RB1: variants seen among roughly 807,000 people sequenced by gnomAD.
RB1 encodes RB transcriptional corepressor 1.
RB1 carries 18 observed loss-of-function variants against 135.4 expected under a neutral mutation model. The observed-to-expected ratio is 0.13, with a 90% confidence interval of 0.09 to 0.20. RB1 has a LOEUF of 0.20. Among genes scored for constraint, RB1 ranks in the 10% least tolerant of loss-of-function variants. The pLI is 1.00. For missense variants in RB1, 868 were observed against 1,110.0 expected, an observed-to-expected ratio of 0.78 and a Z score of 3.10; for synonymous variants, 365 against 373.2, an observed-to-expected ratio of 0.98 and a Z score of 0.25.
At chr13:48,387,696 A>C (rs1237384773) in intron 17 of RB1, among the ~76,000 whole-genome samples, 2 of 152,150 alleles carry the variant, frequency 1.3e-5, no homozygotes, top group African/African-American at 4.8e-5. Context: ...GTACACATTA[A>C]ATGGGTGAAT....
At chr13:48,375,286 G>A (rs1952809389) in intron 12 of RB1, among the ~76,000 whole-genome samples, 1 of 152,038 alleles carries the variant, frequency 6.6e-6, no homozygotes, top group African/African-American at 2.4e-5. Flanking sequence ...AAGTGAACAT[G>A]TCTTGAAGGT....
chr13:48,316,991 A>T, intron 2 of RB1: 1 of 482,854 alleles, frequency 2.1e-6, no homozygotes, highest in Non-Finnish European at 3.7e-6. Context: ...CCCTTCGTCA[A>T]TACCTCAGGT....
At chr13:48,326,928 A>G (rs774641582) in intron 2 of RB1, among the ~76,000 whole-genome samples, 1 of 152,140 alleles carries the variant, frequency 6.6e-6, no homozygotes, top group Non-Finnish European at 1.5e-5. Flanking sequence ...ACAAATTCAC[A>G]AAGTATGTGT....
At chr13:48,372,949 G>T (rs1224940728) in intron 11 of RB1, among the ~76,000 whole-genome samples, 2 of 152,152 alleles carry the variant, frequency 1.3e-5, no homozygotes, top group African/African-American at 4.8e-5. Context: ...ATTTTTAAAT[G>T]TATCCAGGAT....
chr13:48,304,456 T>C (rs1952060623), intron 1 of RB1, among the ~76,000 whole-genome samples: 1 of 152,086 alleles, frequency 6.6e-6, no homozygotes, highest in Non-Finnish European at 1.5e-5. Flanking sequence ...TCTGACTTTC[T>C]GTTTTGGTTC....
chr13:48,340,771 T>G (rs1952436382), intron 2 of RB1: 1 of 160,974 alleles, frequency 6.2e-6, no homozygotes, highest in African/African-American at 2.4e-5. Flanking sequence ...AAATTGACCA[T>G]ATTAACATAA....
intron 17 of RB1, among the ~76,000 whole-genome samples, chr13:48,418,486 C>A (rs527863502): frequency 6.6e-6 from 1 of 152,082 alleles, no homozygotes; most frequent in Admixed American, 6.6e-5. Context: ...AACTAATGGG[C>A]AAACTAACTG....
At chr13:48,456,374 GCA>G in intron 19 of RB1, 25 bp downstream of exon 19, 3 of 1,612,368 alleles carry the variant, frequency 1.9e-6, no homozygotes. Context: ...ATTTTCAAGA[GCA>G]TGGACTCTGA....
intron 2 of RB1, among the ~76,000 whole-genome samples, chr13:48,327,803 T>A (rs1199315392): frequency 6.6e-6 from 1 of 152,152 alleles, no homozygotes; most frequent in Non-Finnish European, 1.5e-5. Flanking sequence ...AATAGGCAAT[T>A]CTTAAAAAGG....
In RB1 at chr13:48,324,782, TCTAAA is replaced by T. The variant is rs567051858; in HGVS notation, c.264+17380_264+17384del. 2.6e-3 allele frequency among the ~76,000 whole-genome samples: 398 copies of T among 152,272 alleles called. 1 individual carries two copies. Among genetic ancestry groups the T allele is most frequent in the African/African-American group, 9.1e-3 (378 of 41,552 alleles). On this transcript the variant is annotated intron_variant, in intron 2 of 26. Coordinates refer to ENST00000267163, the MANE Select transcript of RB1 (RefSeq NM_000321.3). Reference sequence around the variant, plus strand: ...TTTATTTTTATTTTTTTGAGGAACCTCTAAACTATTCTTTTATAGTGGCTCTACTA... The same window carrying T: ...TTTATTTTTATTTTTTTGAGGAACCTCTATTCTTTTATAGTGGCTCTACTA...
chr13:48,423,793 G>A (rs945669784), intron 17 of RB1, among the ~76,000 whole-genome samples: 8 of 152,146 alleles, frequency 5.3e-5, no homozygotes, highest in Non-Finnish European at 7.4e-5. Flanking sequence ...TCCTGTAGTC[G>A]AAGCTACTCT....
At chr13:48,353,425 A>G (rs940480750) in intron 6 of RB1, among the ~76,000 whole-genome samples, 1 of 152,148 alleles carries the variant, frequency 6.6e-6, no homozygotes, top group Non-Finnish European at 1.5e-5. Context: ...CAGACCAATA[A>G]CAAGTAATGA....
intron 17 of RB1, among the ~76,000 whole-genome samples, chr13:48,423,266 T>G (rs1391438162): frequency 6.6e-6 from 1 of 152,190 alleles, no homozygotes; most frequent in Non-Finnish European, 1.5e-5. Flanking sequence ...GTTGGGTTTT[T>G]GTTTTTGTTT....
At chr13:48,316,698 C>T (rs2138047772) in intron 2 of RB1, among the ~76,000 whole-genome samples, 1 of 148,180 alleles carries the variant, frequency 6.7e-6, no homozygotes, top group South Asian at 2.1e-4. Context: ...CCTGTTTCTC[C>T]TCCCTGCAAC....
intron 2 of RB1, among the ~76,000 whole-genome samples, chr13:48,315,732 T>C (rs1441468547): frequency 6.6e-6 from 1 of 152,224 alleles, no homozygotes; most frequent in Non-Finnish European, 1.5e-5. Flanking sequence ...TACCACACTT[T>C]CTTTATCCAC....
chr13:48,420,292 A>G (rs1439441850), intron 17 of RB1, among the ~76,000 whole-genome samples: 1 of 152,224 alleles, frequency 6.6e-6, no homozygotes, highest in East Asian at 1.9e-4. Flanking sequence ...AAACCACATG[A>G]TTATGTCAAT....
chr13:48,437,786 C>A (rs9595907), intron 17 of RB1, among the ~76,000 whole-genome samples: 127 of 152,300 alleles, frequency 8.3e-4, no homozygotes, highest in African/African-American at 2.9e-3. Flanking sequence ...GACATGCCAT[C>A]ACTTCTGCCC....
rs1491443348 is a variant in RB1, at chr13:48,307,700, A to AC, written c.264+294_264+295insC. On this transcript the variant is annotated intron_variant, in intron 2 of 26. Coordinates refer to ENST00000267163, the MANE Select transcript of RB1 (RefSeq NM_000321.3). Reference sequence around the variant, plus strand: ...TGAAACCCTGTCTCTACTAAAATACAAAAAAAAAAAAAAAAATTAGCAGGG... The same window carrying AC: ...TGAAACCCTGTCTCTACTAAAATACACAAAAAAAAAAAAAAAATTAGCAGGG... Among the ~76,000 whole-genome samples the AC allele has an allele frequency of 7.5e-4, 3 of 4,012 alleles. No individual in the cohort carries two copies. The Non-Finnish European group carries it at 0.025, about 33-fold the overall frequency. 2.6% of individuals were successfully genotyped at this position (4,012 alleles called of 152,430 possible). A position where few individuals can be genotyped will look rare whatever the true frequency, so the allele number is the denominator to read the frequency against.
At chr13:48,342,737 A>C in intron 3 of RB1, 23 bp downstream of exon 3, 1 of 1,476,394 alleles carries the variant, frequency 6.8e-7, no homozygotes, top group Non-Finnish European at 9.5e-7. Flanking sequence ...GTATAAATAT[A>C]AGCCTCTGCC....
Sources: gnomAD v4.1 joint callset for allele counts (sites outside exome capture counted in the v4.1 genomes callset) on GRCh38, gnomAD v4.1.1 for gene constraint, MANE v1.5 for transcripts, NCBI Gene and HGNC (gene_info 2026-07-23, HGNC 2026-07-21) for gene names.